The following TENM2 variants were observed in gnomAD, a reference collection of about 807,000 sequenced individuals.
TENM2 encodes the protein teneurin transmembrane protein 2.
Under a neutral mutation model 245.2 loss-of-function variants are expected in TENM2, and 52 were observed. The observed-to-expected ratio is 0.21, with a 90% CI of 0.17 to 0.27. The LOEUF is 0.27. Among genes scored for constraint, TENM2 ranks in the 10% least tolerant of loss-of-function variants. The probability of loss-of-function intolerance (pLI) is 1.00; values close to 1 mark genes in which losing one functional copy is unlikely to be tolerated. For missense variants in TENM2, 3,046 were observed against 3,666.8 expected, an observed-to-expected ratio of 0.83 and a Z score of 4.37; for synonymous variants, 1,363 against 1,438.9, an observed-to-expected ratio of 0.95 and a Z score of 1.19.
chr5:167,493,530 T>G (rs1768583092), intron 2 of TENM2, among the ~76,000 whole-genome samples: 1 of 152,122 alleles, frequency 6.6e-6, no homozygotes. Flanking sequence ...AACATAGAAT[T>G]GAATAACCAT....
intron 2 of TENM2, among the ~76,000 whole-genome samples, chr5:167,510,500 C>T (rs927306851): frequency 6.6e-6 from 1 of 152,044 alleles, no homozygotes; most frequent in Non-Finnish European, 1.5e-5. Context: ...TGTGGAGGAT[C>T]AGCAGTTTGT....
intron 2 of TENM2, among the ~76,000 whole-genome samples, chr5:167,478,051 GC>G (rs1320864895): frequency 5.9e-5 from 9 of 152,170 alleles, no homozygotes; most frequent in African/African-American, 2.2e-4. Context: ...GAATGCTGTT[GC>G]ATTAAATATA....
At chr5:167,993,040 G>A (rs146310303) in exon 5 of TENM2, 214 of 1,613,900 alleles carry the variant, frequency 1.3e-4, no homozygotes, top group African/African-American at 8.1e-4. Flanking sequence ...ACACGCCCCC[G>A]CCCCGCCTGC....
At chr5:168,255,344 C>G (rs149883600) in intron 27 of TENM2, among the ~76,000 whole-genome samples, 2 of 152,052 alleles carry the variant, frequency 1.3e-5, no homozygotes, top group Non-Finnish European at 2.9e-5. Context: ...CTCTGTCACC[C>G]AGGCTGGAGT....
chr5:167,852,338 A>G (rs1413807719), intron 2 of TENM2, among the ~76,000 whole-genome samples: 2 of 152,246 alleles, frequency 1.3e-5, no homozygotes, highest in Non-Finnish European at 2.9e-5. Context: ...TAATAGGTTC[A>G]TGAAGGAAAG....
chr5:167,870,923 C>T (rs897218589), intron 2 of TENM2, among the ~76,000 whole-genome samples: 1 of 151,858 alleles, frequency 6.6e-6, no homozygotes, highest in Non-Finnish European at 1.5e-5. Context: ...AAAAAGAACC[C>T]GTTGTTTTAA....
At chr5:168,214,769 A>C in intron 20 of TENM2, 1 of 543,154 alleles carries the variant, frequency 1.8e-6, no homozygotes, top group Non-Finnish European at 3.5e-6. Flanking sequence ...TCGGAGTGGG[A>C]GCTCTCGTAC....
At chr5:167,323,787 G>A (rs1231944913) in intron 1 of TENM2, among the ~76,000 whole-genome samples, 1 of 152,142 alleles carries the variant, frequency 6.6e-6, no homozygotes, top group Non-Finnish European at 1.5e-5. Flanking sequence ...AGAGCATATA[G>A]TACAGGAAAA....
intron 2 of TENM2, among the ~76,000 whole-genome samples, chr5:167,422,712 G>A (rs541023802): frequency 6.6e-6 from 1 of 152,262 alleles, no homozygotes; most frequent in African/African-American, 2.4e-5. Flanking sequence ...AGTGGAGTGT[G>A]TAATCCCTTA....
At chr5:167,084,327 T>TTTTA in the TENM2 span, among the ~76,000 whole-genome samples, 8 of 23,170 alleles carry the variant, frequency 3.5e-4, no homozygotes, top group Non-Finnish European at 4.9e-4. Flanking sequence ...GCCATTTTAG[T>TTTTA]TATATATATA....
intron 9 of TENM2, among the ~76,000 whole-genome samples, chr5:168,112,757 T>A (rs941967113): frequency 3.9e-5 from 6 of 151,954 alleles, no homozygotes; most frequent in African/African-American, 1.5e-4. Context: ...GCCTTTTGAG[T>A]TTTGGTTTGA....
chr5:167,466,145 A>G (rs1766637837), intron 2 of TENM2, among the ~76,000 whole-genome samples: 1 of 152,144 alleles, frequency 6.6e-6, no homozygotes, highest in African/African-American at 2.4e-5. Context: ...GCTCGTTCCT[A>G]CGAATATGGT....
chr5:167,878,746 T>A (rs1773638381), intron 3 of TENM2, among the ~76,000 whole-genome samples: 1 of 152,206 alleles, frequency 6.6e-6, no homozygotes, highest in African/African-American at 2.4e-5. Flanking sequence ...GAGCTATGTC[T>A]GAGTGTTTTG....
chr5:167,829,092 GCT>G, intron 2 of TENM2, among the ~76,000 whole-genome samples: 1 of 152,162 alleles, frequency 6.6e-6, no homozygotes, highest in East Asian at 1.9e-4. Flanking sequence ...GTGGATTGAA[GCT>G]CTCTTATTTT....
At chr5:167,151,788 A>T in the TENM2 span, among the ~76,000 whole-genome samples, 1 of 152,162 alleles carries the variant, frequency 6.6e-6, no homozygotes, top group African/African-American at 2.4e-5. Flanking sequence ...AAATGGTGGA[A>T]CTATAGGCGT....
upstream of TENM2, among the ~76,000 whole-genome samples, chr5:167,280,756 G>GTCTGTCTATCTA (rs1424705114): frequency 7.7e-3 from 1,130 of 145,954 alleles, 11 homozygotes; most frequent in Non-Finnish European, 8.7e-3. Context: ...CTATCTGTCT[G>GTCTGTCTATCTA]TCTATCTATC....
At chr5:167,631,256 A>G (rs1364129236) in intron 2 of TENM2, among the ~76,000 whole-genome samples, 1 of 152,202 alleles carries the variant, frequency 6.6e-6, no homozygotes, top group Non-Finnish European at 1.5e-5. Flanking sequence ...ATAATGAAAT[A>G]ATAAAACGAA....
chr5:168,246,707 T>TG (rs1562330798), intron 26 of TENM2, 50 bp from the exon 29 acceptor site: 1 of 1,551,034 alleles, frequency 6.4e-7, no homozygotes, highest in South Asian at 1.2e-5. Context: ...TTTGAATGCT[T>TG]GGTCCTCAAA....
chr5:167,188,931 G>A, the TENM2 span, among the ~76,000 whole-genome samples: 1 of 152,062 alleles, frequency 6.6e-6, no homozygotes, highest in Non-Finnish European at 1.5e-5. Flanking sequence ...GTACATTTTT[G>A]TGGATTAAAC....
Sources: allele counts gnomAD v4.1 joint callset (sites outside exome capture counted in the v4.1 genomes callset), GRCh38; gene constraint gnomAD v4.1.1; transcripts MANE v1.5; gene names NCBI Gene and HGNC (gene_info 2026-07-23, HGNC 2026-07-21).